The following CPPED1 variants were observed in gnomAD, a reference collection of about 807,000 sequenced individuals.
The protein encoded by CPPED1 is calcineurin like phosphoesterase domain containing 1.
Under a neutral mutation model 28.0 loss-of-function variants are expected in CPPED1, and 28 were observed. The observed-to-expected ratio is 1.00, with a 90% confidence interval of 0.74 to 1.37. The LOEUF is 1.37. Among genes scored for constraint, CPPED1 ranks in the 40% most tolerant of loss-of-function variants. The pLI is 0.00. For synonymous variants in CPPED1, 198 were observed against 180.2 expected (o/e 1.10, Z -0.79); for missense variants, 504 against 416.5 (o/e 1.21, Z -1.83).
intron 3 of CPPED1, among the ~76,000 whole-genome samples, chr16:12,686,473 G>A (rs1337687952): frequency 2.0e-5 from 3 of 152,190 alleles, no homozygotes; most frequent in African/African-American, 7.2e-5. Flanking sequence ...CTTTGTCAGG[G>A]TGGGATTCAG....
At chr16:12,757,291 C>A (rs12446479) in intron 2 of CPPED1, among the ~76,000 whole-genome samples, 24,285 of 151,932 alleles carry the variant, frequency 0.16, 2,054 homozygotes, top group Admixed American at 0.18. Context: ...TGGTTGGTCA[C>A]CCTAATTTGG....
chr16:12,757,988 G>A (rs1376442424), intron 2 of CPPED1, among the ~76,000 whole-genome samples: 3 of 151,802 alleles, frequency 2.0e-5, no homozygotes, highest in Non-Finnish European at 4.4e-5. Flanking sequence ...GGGCATTTTG[G>A]CTGTCCCTGC....
In CPPED1 at chr16:12,759,601, C is replaced by T. The variant is rs370367593; in HGVS notation, c.289+21584G>A. Among the ~76,000 whole-genome samples, 28 of 152,250 alleles carry T rather than the reference C, an allele frequency of 1.8e-4. 1 individual carries two copies. The East Asian group carries it at 2.3e-3, about 13-fold the overall frequency. On this transcript the variant is annotated intron_variant, in intron 2 of 3. Coordinates refer to ENST00000381774, the MANE Select transcript of CPPED1 (RefSeq NM_018340.3). ...CTAAATCTCATCTCAAATTGTAACC[C>T]CCGTGTGTCAAGGGAGGGACCTGGT...
intron 1 of CPPED1, among the ~76,000 whole-genome samples, chr16:12,782,810 G>A (rs1476343900): frequency 1.3e-5 from 2 of 151,944 alleles, no homozygotes; most frequent in Non-Finnish European, 2.9e-5. Flanking sequence ...GGCGGAGGTT[G>A]CAGTGAGCCA....
At chr16:12,771,588 T>C (rs59477304) in intron 2 of CPPED1, among the ~76,000 whole-genome samples, 2 of 152,362 alleles carry the variant, frequency 1.3e-5, no homozygotes, top group African/African-American at 4.8e-5. Context: ...GCCTCAATCC[T>C]GGCTTTGGTT....
chr16:12,785,426 CTT>C (rs796796663), intron 1 of CPPED1, among the ~76,000 whole-genome samples: 70 of 124,636 alleles, frequency 5.6e-4, no homozygotes, highest in South Asian at 5.3e-4. Flanking sequence ...AACGTGAATT[CTT>C]TTTTTTTTTT....
intron 2 of CPPED1, among the ~76,000 whole-genome samples, chr16:12,749,180 T>C (rs1256533001): frequency 2.6e-5 from 4 of 152,188 alleles, no homozygotes; most frequent in Non-Finnish European, 5.9e-5. Flanking sequence ...TAAAGCTGTT[T>C]TGTTTAATAG....
At chr16:12,679,303 TC>T (rs1478049048) in intron 3 of CPPED1, among the ~76,000 whole-genome samples, 11 of 152,346 alleles carry the variant, frequency 7.2e-5, no homozygotes, top group African/African-American at 2.6e-4. Flanking sequence ...TTTTTACTAT[TC>T]CTTTTCTTGC....
rs138577489 is a variant in CPPED1, at chr16:12,712,731, C to T, written c.290-7682G>A. Among the ~76,000 whole-genome samples the T allele has an allele frequency of 4.5e-4, 68 of 151,952 alleles. No homozygotes were observed. The Middle Eastern group carries it at 0.014, about 31-fold the overall frequency. On this transcript the variant is annotated intron_variant, in intron 2 of 3. Transcript: ENST00000381774. The stretch of plus-strand genomic sequence containing the variant: ...CAGGAAGTTATTAGAGCTAGTAGTA[C>T]GACACAATTTTATTAAAAATAAATC...
Position 12,664,231 on chromosome 16 carries a change from G to T in CPPED1, c.*655C>A. The T allele has an allele frequency of 2.9e-6, 1 of 342,658 alleles. No homozygotes were observed. The highest frequency in any genetic ancestry group is 4.1e-6 in the Non-Finnish European group (1 of 242,026). 21.2% of individuals were successfully genotyped at this position (342,658 alleles called of 1,614,324 possible). The stretch of plus-strand genomic sequence containing the variant: ...ATTTTCAGAAATGGCCAATTTATGT[G>T]CAAAGGTGACTTTTCTAGGCACCCA... On this transcript the variant is annotated 3_prime_UTR_variant, in exon 4 of 4. Coordinates refer to ENST00000381774, the MANE Select transcript of CPPED1 (RefSeq NM_018340.3). This position sits in a 1 kb window ranked among gnomAD's most constrained non-coding sequence, Gnocchi z 4.2.
intron 2 of CPPED1, among the ~76,000 whole-genome samples, chr16:12,706,371 T>G (rs544716659): frequency 4.0e-5 from 6 of 150,792 alleles, no homozygotes; most frequent in African/African-American, 1.5e-4. Flanking sequence ...GCAAAAGTAA[T>G]TGCAGTTTTT....
intron 1 of CPPED1, 38 bp downstream of exon 1, chr16:12,803,669 C>A (rs749023818): frequency 2.1e-5 from 31 of 1,449,964 alleles, no homozygotes; most frequent in Non-Finnish European, 2.6e-5. Context: ...GGTTCCGCAG[C>A]CCCAGAGTCC....
At chr16:12,751,209 G>C (rs903600889) in intron 2 of CPPED1, among the ~76,000 whole-genome samples, 3 of 152,186 alleles carry the variant, frequency 2.0e-5, no homozygotes, top group African/African-American at 7.2e-5. Flanking sequence ...TGTTCTCAGG[G>C]AGAGGTGGCT....
chr16:12,793,464 GC>G (rs1309327870), intron 1 of CPPED1, among the ~76,000 whole-genome samples: 1 of 152,154 alleles, frequency 6.6e-6, no homozygotes, highest in Admixed American at 6.5e-5. Flanking sequence ...AGGCCTGAGT[GC>G]CCAAGTTCAA....
At chr16:12,698,213 T>C (rs773607995) in intron 3 of CPPED1, among the ~76,000 whole-genome samples, 1 of 152,158 alleles carries the variant, frequency 6.6e-6, no homozygotes, top group Non-Finnish European at 1.5e-5. Flanking sequence ...TCAATTCCAT[T>C]GACCACTATT....
intron 3 of CPPED1, among the ~76,000 whole-genome samples, chr16:12,686,366 C>A (rs60117131): frequency 0.015 from 2,267 of 152,070 alleles, 47 homozygotes; most frequent in African/African-American, 0.051. Flanking sequence ...ACCATGTCCA[C>A]GAATCCATTT....
chr16:12,760,163 T>C (rs2080400219), intron 2 of CPPED1, among the ~76,000 whole-genome samples: 2 of 152,344 alleles, frequency 1.3e-5, no homozygotes, highest in South Asian at 4.1e-4. Context: ...AATAAAGTGA[T>C]GTGTAGCACT....
chr16:12,708,130 G>C (rs1039779418), intron 2 of CPPED1, among the ~76,000 whole-genome samples: 1 of 152,082 alleles, frequency 6.6e-6, no homozygotes, highest in African/African-American at 2.4e-5. Flanking sequence ...CTGGGCAACA[G>C]AGTGAGATTC....
Position 12,708,126 on chromosome 16 carries a change from A to G in CPPED1, c.290-3077T>C, listed in dbSNP as rs1186673115. ...CGTGCCACTGCACTCCAGCCTGGGCAACAGAGTGAGATTCTGTCTCAAAAA... is the reference window on the plus strand; with the variant it reads ...CGTGCCACTGCACTCCAGCCTGGGCGACAGAGTGAGATTCTGTCTCAAAAA... On this transcript the variant is annotated intron_variant, in intron 2 of 3. Coordinates refer to ENST00000381774, the MANE Select transcript of CPPED1 (RefSeq NM_018340.3). Among the ~76,000 whole-genome samples the G allele has an allele frequency of 3.3e-5, 5 of 152,276 alleles. No homozygotes were observed. In the East Asian group the frequency reaches 9.6e-4, roughly 29 times the overall value.
Sources: gnomAD v4.1 joint callset for allele counts (sites outside exome capture counted in the v4.1 genomes callset) on GRCh38, gnomAD v4.1.1 for gene constraint, Gnocchi (gnomAD v3.1) non-coding constraint, MANE v1.5 for transcripts, NCBI Gene and HGNC (gene_info 2026-07-23, HGNC 2026-07-21) for gene names.